Variants in IL1RAPL1 observed in about 807,000 individuals in gnomAD.
The protein encoded by IL1RAPL1 is interleukin 1 receptor accessory protein like 1.
A neutral mutation model predicts 48.4 loss-of-function variants in IL1RAPL1; 3 were observed. The observed-to-expected ratio is 0.06, with a 90% CI of 0.03 to 0.16. The LOEUF is 0.16. Among genes scored for constraint, IL1RAPL1 ranks in the 10% least tolerant of loss-of-function variants. The probability of loss-of-function intolerance (pLI) is 1.00; values close to 1 mark genes in which losing one functional copy is unlikely to be tolerated. For synonymous variants in IL1RAPL1, 185 were observed against 187.7 expected (o/e 0.99, Z 0.12); for missense variants, 349 against 530.6 (o/e 0.66, Z 3.36).
chrX:28,635,262 G>C (rs1186165294), intron 1 of IL1RAPL1, among the ~76,000 whole-genome samples: 1 of 111,973 alleles, frequency 8.9e-6, no homozygotes, highest in Non-Finnish European at 1.9e-5. Context: ...CATGTCTTCT[G>C]TTGGCATCCA....
chrX:29,364,142 A>G (rs1006469207), intron 3 of IL1RAPL1, among the ~76,000 whole-genome samples: 1 of 112,503 alleles, frequency 8.9e-6, no homozygotes, highest in Non-Finnish European at 1.9e-5. Context: ...TCTTAAACAC[A>G]TAAGTATTAT....
intron 3 of IL1RAPL1, among the ~76,000 whole-genome samples, chrX:29,323,447 C>G (rs6630842): frequency 1.9e-5 from 2 of 106,544 alleles, no homozygotes; most frequent in Non-Finnish European, 3.8e-5. Context: ...GTCTTAGTCT[C>G]TACACACTTG....
intron 5 of IL1RAPL1, among the ~76,000 whole-genome samples, chrX:29,492,262 T>C (rs17282704): frequency 0.035 from 3,933 of 112,519 alleles, 65 homozygotes; most frequent in Middle Eastern, 0.061. Flanking sequence ...ATGCTTCGTG[T>C]ATTTTCTAAA....
At chrX:29,449,778 C>CAG (rs767669396) in intron 5 of IL1RAPL1, among the ~76,000 whole-genome samples, 150 of 57,605 alleles carry the variant, frequency 2.6e-3, no homozygotes, top group African/African-American at 0.012. Context: ...CACACACACA[C>CAG]ACAGAGAGAG....
chrX:29,880,417 T>C (rs1274815376), intron 6 of IL1RAPL1, among the ~76,000 whole-genome samples: 2 of 112,198 alleles, frequency 1.8e-5, no homozygotes, highest in Non-Finnish European at 3.8e-5. Context: ...AACACAAGTT[T>C]GTTGCTGTTG....
chrX:29,609,084 A>G (rs1924012249), intron 5 of IL1RAPL1, among the ~76,000 whole-genome samples: 1 of 111,780 alleles, frequency 8.9e-6, no homozygotes, highest in Admixed American at 9.5e-5. Flanking sequence ...CATGGTTTGG[A>G]TGGTTTAAAC....
chrX:29,854,511 G>T (rs748473906), intron 6 of IL1RAPL1, among the ~76,000 whole-genome samples: 1 of 111,295 alleles, frequency 9.0e-6, no homozygotes, highest in Admixed American at 9.6e-5. Flanking sequence ...CCACCTAGTC[G>T]TCAGAATTGA....
intron 2 of IL1RAPL1, among the ~76,000 whole-genome samples, chrX:29,073,177 T>G (rs887421672): frequency 2.7e-5 from 3 of 112,290 alleles, no homozygotes; most frequent in East Asian, 2.8e-4. Context: ...GAAAAAGAAA[T>G]AAATCATATT....
At chrX:29,382,142 T>G (rs1933719479) in intron 3 of IL1RAPL1, among the ~76,000 whole-genome samples, 1 of 110,737 alleles carries the variant, frequency 9.0e-6, no homozygotes, top group African/African-American at 3.3e-5. Context: ...AGGAAAGCAC[T>G]GAAGGAAATG....
intron 5 of IL1RAPL1, among the ~76,000 whole-genome samples, chrX:29,485,398 T>TGG (rs1160496442): frequency 1.8e-5 from 2 of 111,751 alleles, no homozygotes; most frequent in African/African-American, 6.5e-5. Flanking sequence ...GTGTGCCAGG[T>TGG]GGGACACTAG....
intron 5 of IL1RAPL1, among the ~76,000 whole-genome samples, chrX:29,506,839 G>C (rs1935336024): frequency 9.0e-6 from 1 of 110,623 alleles, no homozygotes; most frequent in Admixed American, 9.6e-5. Context: ...GATGTTTCCA[G>C]TGGGCTGAGG....
chrX:29,303,522 A>G (rs778363499), intron 3 of IL1RAPL1, among the ~76,000 whole-genome samples: 2 of 111,911 alleles, frequency 1.8e-5, no homozygotes, highest in East Asian at 5.6e-4. Flanking sequence ...CAGAAGACCT[A>G]GAGTACTTCC....
At chrX:28,995,150 G>A (rs1417945884) in intron 2 of IL1RAPL1, among the ~76,000 whole-genome samples, 3 of 110,753 alleles carry the variant, frequency 2.7e-5, no homozygotes, top group Non-Finnish European at 5.7e-5. Flanking sequence ...AAATGTAGGG[G>A]GCAATAATGT....
chrX:29,418,405 C>T (rs1241832245), intron 5 of IL1RAPL1, among the ~76,000 whole-genome samples: 1 of 108,942 alleles, frequency 9.2e-6, no homozygotes, highest in African/African-American at 3.3e-5. Context: ...GGATTACAGG[C>T]GTGAGCCACT....
chrX:28,894,896 T>C (rs1435924377), intron 2 of IL1RAPL1, among the ~76,000 whole-genome samples: 1 of 110,403 alleles, frequency 9.1e-6, no homozygotes, highest in African/African-American at 3.3e-5. Flanking sequence ...GGAGAGCACA[T>C]GTGTTTTTAT....
At chrX:29,253,786 A>G (rs1167101240) in intron 2 of IL1RAPL1, among the ~76,000 whole-genome samples, 1 of 111,121 alleles carries the variant, frequency 9.0e-6, no homozygotes, top group Non-Finnish European at 1.9e-5. Flanking sequence ...GATGATTAGA[A>G]AACCCAGATG....
chrX:29,797,415 C>T (rs7065350), intron 6 of IL1RAPL1, among the ~76,000 whole-genome samples: 1,508 of 112,180 alleles, frequency 0.013, 25 homozygotes, highest in African/African-American at 0.046. Context: ...AAATTCAACT[C>T]TGAATGTAAA....
At chrX:28,889,524 T>G in intron 2 of IL1RAPL1, among the ~76,000 whole-genome samples, 1 of 111,764 alleles carries the variant, frequency 8.9e-6, no homozygotes, top group East Asian at 2.8e-4. Flanking sequence ...GGGCTAGAAA[T>G]TAGGAAGTTG....
At chrX:29,046,238 A>G (rs1306185848) in intron 2 of IL1RAPL1, among the ~76,000 whole-genome samples, 2 of 109,825 alleles carry the variant, frequency 1.8e-5, no homozygotes, top group Non-Finnish European at 3.8e-5. Context: ...AATTCTTTTT[A>G]GAGACGATGG....
Sources: gnomAD v4.1 joint callset for allele counts (sites outside exome capture counted in the v4.1 genomes callset) on GRCh38, gnomAD v4.1.1 for gene constraint, MANE v1.5 for transcripts, NCBI Gene and HGNC (gene_info 2026-07-23, HGNC 2026-07-21) for gene names.